CSGALNACT1: variants seen among roughly 807,000 people sequenced by gnomAD.
CSGALNACT1 encodes the protein chondroitin sulfate N-acetylgalactosaminyltransferase 1.
Under a neutral mutation model 51.0 loss-of-function variants are expected in CSGALNACT1, and 52 were observed. The observed-to-expected ratio is 1.02, with a 90% CI of 0.82 to 1.29. CSGALNACT1 has a LOEUF of 1.29. Among genes scored for constraint, CSGALNACT1 ranks in the 50% most tolerant of loss-of-function variants. The pLI is 0.00. For missense variants in CSGALNACT1, 935 were observed against 679.2 expected, an observed-to-expected ratio of 1.38 and a Z score of -4.19; for synonymous variants, 341 against 254.4, an observed-to-expected ratio of 1.34 and a Z score of -3.24.
rs901493566 is a variant in CSGALNACT1, at chr8:19,545,457, G to A, written c.-296-39327C>T. 2.6e-5 allele frequency among the ~76,000 whole-genome samples: 4 copies of A among 152,236 alleles called. No homozygotes were observed. The East Asian group carries it at 5.8e-4, about 22-fold the overall frequency. On this transcript the variant is annotated intron_variant, in intron 3 of 9. Coordinates refer to ENST00000454498, the Ensembl canonical transcript of CSGALNACT1. ...ATAACTTTTGTCTTTGATAATAACT[G>A]ATGTAGAAAAAGCATAAAACATGAT...
chr8:19,664,634 CACAA>C (rs1259635824), intron 1 of CSGALNACT1, among the ~76,000 whole-genome samples: 6 of 138,778 alleles, frequency 4.3e-5, no homozygotes, highest in Admixed American at 7.0e-5. Flanking sequence ...TGTACACACA[CACAA>C]ACACACAAAC....
chr8:19,494,481 C>T (rs1477887322), intron 4 of CSGALNACT1, among the ~76,000 whole-genome samples: 10 of 152,146 alleles, frequency 6.6e-5, no homozygotes, highest in African/African-American at 2.4e-4. Flanking sequence ...TACATGGGTG[C>T]CCCTTCATTT....
At chr8:19,429,082 C>A (rs981939223) in intron 6 of CSGALNACT1, among the ~76,000 whole-genome samples, 2 of 152,102 alleles carry the variant, frequency 1.3e-5, no homozygotes, top group African/African-American at 4.8e-5. Context: ...ATATCCCCAG[C>A]CCCTGGCAAC....
chr8:19,489,939 C>T (rs2073980314), intron 4 of CSGALNACT1, among the ~76,000 whole-genome samples: 1 of 152,156 alleles, frequency 6.6e-6, no homozygotes, highest in African/African-American at 2.4e-5. Flanking sequence ...CCTTCTACAC[C>T]TTGAATGGTA....
At chr8:19,449,443 T>C (rs1379974936) in intron 5 of CSGALNACT1, among the ~76,000 whole-genome samples, 1 of 152,276 alleles carries the variant, frequency 6.6e-6, no homozygotes, top group East Asian at 1.9e-4. Context: ...ACTGGGAATC[T>C]CTATCATGAT....
chr8:19,432,647 C>T (rs1291809617), intron 6 of CSGALNACT1, among the ~76,000 whole-genome samples: 1 of 152,022 alleles, frequency 6.6e-6, no homozygotes, highest in Non-Finnish European at 1.5e-5. Flanking sequence ...TGAGTCATTG[C>T]AGTTGGCTTA....
intron 3 of CSGALNACT1, among the ~76,000 whole-genome samples, chr8:19,539,288 T>C (rs1182751280): frequency 1.3e-5 from 2 of 152,194 alleles, no homozygotes; most frequent in African/African-American, 2.4e-5. Flanking sequence ...CCAAATTTGC[T>C]CATTCTACAT....
chr8:19,683,073 GA>G (rs2060746639), upstream of CSGALNACT1: 4 of 236,912 alleles, frequency 1.7e-5, no homozygotes, highest in Non-Finnish European at 3.4e-5. Context: ...GACGGGAACA[GA>G]TAGGCAACTG....
intron 2 of CSGALNACT1, among the ~76,000 whole-genome samples, chr8:19,595,530 G>C (rs1157278323): frequency 1.3e-5 from 2 of 151,876 alleles, no homozygotes; most frequent in African/African-American, 4.8e-5. Flanking sequence ...AAAAATTAAA[G>C]TATCAGCTTG....
intron 3 of CSGALNACT1, among the ~76,000 whole-genome samples, chr8:19,581,266 G>T (rs937135447): frequency 1.3e-5 from 2 of 152,166 alleles, no homozygotes; most frequent in Non-Finnish European, 2.9e-5. Context: ...CAATAGGAGA[G>T]CAGGTAATAC....
At chr8:19,579,499 C>G (rs1249104262) in intron 3 of CSGALNACT1, among the ~76,000 whole-genome samples, 3 of 152,178 alleles carry the variant, frequency 2.0e-5, no homozygotes, top group African/African-American at 7.2e-5. Context: ...ATTCATTTTA[C>G]TTTTCCTTTG....
At chr8:19,426,736 A>C (rs4433156) in intron 6 of CSGALNACT1, among the ~76,000 whole-genome samples, 73,364 of 152,056 alleles carry the variant, frequency 0.48, 18,763 homozygotes, top group East Asian at 0.82. Flanking sequence ...TAGAGGTTAT[A>C]ATGACCTGAC....
At chr8:19,458,021 C>A (rs143894640) in intron 5 of CSGALNACT1, among the ~76,000 whole-genome samples, 1 of 152,194 alleles carries the variant, frequency 6.6e-6, no homozygotes, top group Non-Finnish European at 1.5e-5. Context: ...TTGCATAGCT[C>A]GCCAACTGTC....
intron 2 of CSGALNACT1, among the ~76,000 whole-genome samples, chr8:19,597,623 A>T (rs2049245977): frequency 6.6e-6 from 1 of 152,130 alleles, no homozygotes; most frequent in Non-Finnish European, 1.5e-5. Flanking sequence ...TTTTTAAACA[A>T]TTAATTTAAC....
chr8:19,693,870 G>T (rs529866375), intron 1 of CSGALNACT1, among the ~76,000 whole-genome samples: 1 of 152,130 alleles, frequency 6.6e-6, no homozygotes, highest in African/African-American at 2.4e-5. Flanking sequence ...GCCATAATAA[G>T]TTAACACACA....
chr8:19,527,681 G>A (rs770931589), intron 3 of CSGALNACT1, among the ~76,000 whole-genome samples: 6 of 152,178 alleles, frequency 3.9e-5, no homozygotes, highest in South Asian at 2.1e-4. Context: ...GCGACATTAC[G>A]CATGAGAACC....
At chr8:19,406,156 G>A in intron 9 of CSGALNACT1, 87 bp from the exon 9 acceptor site, 1 of 1,471,072 alleles carries the variant, frequency 6.8e-7, no homozygotes, top group South Asian at 1.1e-5. Flanking sequence ...TTTTCATTAA[G>A]ACATGACTGG....
intron 8 of CSGALNACT1, among the ~76,000 whole-genome samples, chr8:19,416,496 A>C (rs963120752): frequency 6.6e-6 from 1 of 152,232 alleles, no homozygotes; most frequent in African/African-American, 2.4e-5. Context: ...GTAATGTCAC[A>C]GGCCTTCACA....
At chr8:19,552,718 A>C (rs563382443) in intron 3 of CSGALNACT1, among the ~76,000 whole-genome samples, 1 of 152,360 alleles carries the variant, frequency 6.6e-6, no homozygotes, top group Admixed American at 6.5e-5. Context: ...TTTCTTTGCA[A>C]CAGATTGCAC....
Sources: gnomAD v4.1 joint callset for allele counts (sites outside exome capture counted in the v4.1 genomes callset) on GRCh38, gnomAD v4.1.1 for gene constraint, MANE v1.5 for transcripts, NCBI Gene and HGNC (gene_info 2026-07-23, HGNC 2026-07-21) for gene names.